Variants in RORA observed in about 807,000 individuals in gnomAD.
RORA encodes the protein nuclear receptor ROR-alpha.
Under a neutral mutation model 69.5 loss-of-function variants are expected in RORA, and 7 were observed. The ratio of observed to expected loss-of-function variants is 0.10; its 90% CI spans 0.06 to 0.19. The LOEUF (loss-of-function observed/expected upper bound fraction) is 0.19, where lower values mean the gene tolerates loss of function less well. RORA is among the 10% of genes least tolerant of loss of function. RORA has a pLI of 1.00. For missense variants in RORA, 457 were observed against 663.0 expected (o/e 0.69, Z 3.41); for synonymous variants, 261 against 240.8 (o/e 1.08, Z -0.78).
chr15:60,714,039 T>A (rs905493983), intron 1 of RORA, among the ~76,000 whole-genome samples: 1 of 151,808 alleles, frequency 6.6e-6, no homozygotes, highest in Non-Finnish European at 1.5e-5. Flanking sequence ...CCTTCTTCAT[T>A]ATCTCTCTCT....
chr15:60,755,980 G>C (rs758779749), intron 1 of RORA, among the ~76,000 whole-genome samples: 6 of 152,122 alleles, frequency 3.9e-5, no homozygotes, highest in Non-Finnish European at 7.3e-5. Flanking sequence ...CCTGGTACAG[G>C]GGATGTAGCA....
intron 1 of RORA, 83 bp downstream of exon 1, chr15:61,228,969 GC>G (rs1397702191): frequency 1.6e-6 from 1 of 634,870 alleles, no homozygotes; most frequent in Non-Finnish European, 2.0e-6. Flanking sequence ...CGGACCCCGC[GC>G]CCCGGGCGCC....
At chr15:61,002,829 C>T (rs931909735) in intron 1 of RORA, among the ~76,000 whole-genome samples, 1 of 152,070 alleles carries the variant, frequency 6.6e-6, no homozygotes, top group African/African-American at 2.4e-5. Context: ...CTGTAAGTCA[C>T]TTGAAAATAC....
chr15:61,022,384 A>G (rs1461970322), intron 1 of RORA, among the ~76,000 whole-genome samples: 1 of 152,202 alleles, frequency 6.6e-6, no homozygotes, highest in South Asian at 2.1e-4. Flanking sequence ...ATTGTGTCAC[A>G]TGCTAAGGTA....
chr15:60,557,674 T>A (rs980266356), intron 2 of RORA, among the ~76,000 whole-genome samples: 3 of 152,212 alleles, frequency 2.0e-5, no homozygotes, highest in Admixed American at 2.0e-4. Flanking sequence ...AAATAGAAGT[T>A]ACTTTCTGGA....
intron 1 of RORA, among the ~76,000 whole-genome samples, chr15:60,758,981 G>T (rs1344039471): frequency 1.3e-5 from 2 of 152,210 alleles, no homozygotes; most frequent in Non-Finnish European, 2.9e-5. Context: ...TAGCAAGTTA[G>T]CACCTGAGCT....
intron 1 of RORA, among the ~76,000 whole-genome samples, chr15:60,940,198 G>T (rs1269902448): frequency 6.6e-6 from 1 of 152,110 alleles, no homozygotes; most frequent in African/African-American, 2.4e-5. Flanking sequence ...TTAGATCACT[G>T]AAAGAAATTA....
intron 1 of RORA, among the ~76,000 whole-genome samples, chr15:60,917,665 T>C (rs1475203272): frequency 6.6e-6 from 1 of 152,252 alleles, no homozygotes; most frequent in East Asian, 1.9e-4. Context: ...CTGGTGTTTT[T>C]CCTGGTCAGT....
chr15:60,654,050 C>A (rs943571059), intron 2 of RORA, among the ~76,000 whole-genome samples: 1 of 152,094 alleles, frequency 6.6e-6, no homozygotes, highest in East Asian at 1.9e-4. Context: ...CCGTGAAGGC[C>A]GCCTCTTTAG....
chr15:61,101,612 A>T lies in RORA; in HGVS notation c.166+127441T>A, dbSNP rs552026839. Among the ~76,000 whole-genome samples, 17 of 152,192 alleles carry T rather than the reference A, an allele frequency of 1.1e-4. No individual in the cohort carries two copies. In the South Asian group the frequency reaches 3.3e-3, roughly 30 times the overall value. Reference sequence around the variant, plus strand: ...CTGAGTATCCTTCCTTTAAAATAAGAAAATAACGTCACACAAGGCCTTGTA... The same window carrying T: ...CTGAGTATCCTTCCTTTAAAATAAGTAAATAACGTCACACAAGGCCTTGTA... On this transcript the variant is annotated intron_variant, in intron 1 of 10. Transcript: ENST00000335670.
intron 2 of RORA, among the ~76,000 whole-genome samples, chr15:60,597,812 C>A (rs548587873): frequency 1.4e-4 from 21 of 150,578 alleles, no homozygotes; most frequent in African/African-American, 5.1e-4. Context: ...GAACTGACTG[C>A]AACGGGCCCC....
Position 61,131,403 on chromosome 15 carries a change from G to A in RORA, c.166+97650C>T, listed in dbSNP as rs184259385. ...TAGCAGATTTCAGCAGCATTTGCTG[G>A]AGCAAGGTGACTCCAGCATTTCTCT... On this transcript the variant is annotated intron_variant, in intron 1 of 10. Coordinates refer to ENST00000335670, the MANE Select transcript of RORA (RefSeq NM_134261.3). The surrounding 1 kb of genome is among the most constrained non-coding windows in gnomAD (Gnocchi z 4.2). 1.5e-3 allele frequency among the ~76,000 whole-genome samples: 223 copies of A among 152,238 alleles called. 1 individual carries two copies. Among genetic ancestry groups the A allele is most frequent in the Non-Finnish European group, 2.7e-3 (182 of 68,026 alleles).
At chr15:61,143,305 T>C (rs1030708325) in intron 1 of RORA, among the ~76,000 whole-genome samples, 2 of 152,126 alleles carry the variant, frequency 1.3e-5, no homozygotes, top group Non-Finnish European at 2.9e-5. Flanking sequence ...TACAGAGAGA[T>C]GTAAAAGCTG....
chr15:60,673,872 G>GC (rs2070511964), intron 2 of RORA, among the ~76,000 whole-genome samples: 1 of 152,200 alleles, frequency 6.6e-6, no homozygotes, highest in Admixed American at 6.5e-5. Context: ...TAAGAGGCCA[G>GC]CACCTGTATT....
chr15:61,169,181 A>G (rs1379770458), intron 1 of RORA, among the ~76,000 whole-genome samples: 1 of 151,940 alleles, frequency 6.6e-6, no homozygotes, highest in East Asian at 1.9e-4. Flanking sequence ...GACGCCAGGC[A>G]TCTGTGGAAC....
At chr15:60,933,553 G>A (rs1398480686) in intron 1 of RORA, among the ~76,000 whole-genome samples, 3 of 152,090 alleles carry the variant, frequency 2.0e-5, no homozygotes, top group South Asian at 2.1e-4. Context: ...GACATAGAAC[G>A]CATTATTCTG....
At chr15:60,835,007 T>C (rs12910376) in intron 1 of RORA, among the ~76,000 whole-genome samples, 62,553 of 152,038 alleles carry the variant, frequency 0.41, 14,777 homozygotes, top group Middle Eastern at 0.56. Context: ...CCTAGATATA[T>C]TTAGAGCTTT....
Position 60,489,585 on chromosome 15 carries a change from T to C in RORA, c.*7870A>G, listed in dbSNP as rs981032449. ...TAGAAAGGCTTAATTAAGCTACTTA[T>C]TAAATAACTTTGAAAATGAAGGTCC... On this transcript the variant is annotated 3_prime_UTR_variant, in exon 11 of 11. Coordinates refer to ENST00000335670, the MANE Select transcript of RORA (RefSeq NM_134261.3). 5.3e-5 allele frequency: 8 copies of C among 152,212 alleles called. No homozygotes were observed. Among genetic ancestry groups the C allele is most frequent in the African/African-American group, 1.9e-4 (8 of 41,450 alleles). The allele number at this position is 152,212 out of a possible 1,614,324, so 9.4% of individuals were successfully genotyped here.
Position 60,492,527 on chromosome 15 carries a change from C to A in RORA, c.*4928G>T, listed in dbSNP as rs1251183939. 1 of 152,124 alleles carries A rather than the reference C, an allele frequency of 6.6e-6. No homozygotes were observed. Among genetic ancestry groups the A allele is most frequent in the African/African-American group, 2.4e-5 (1 of 41,438 alleles). The allele number at this position is 152,124 out of a possible 1,614,324, so 9.4% of individuals were successfully genotyped here. A position where few individuals can be genotyped will look rare whatever the true frequency, so the allele number is the denominator to read the frequency against. ...CTGGTATTTTAAAAACATATTTCAT[C>A]TTTTACCTATATCACTGTACTGATA... On this transcript the variant is annotated 3_prime_UTR_variant, in exon 11 of 11. Coordinates refer to ENST00000335670, the MANE Select transcript of RORA (RefSeq NM_134261.3).
Sources: allele counts gnomAD v4.1 joint callset (sites outside exome capture counted in the v4.1 genomes callset), GRCh38; gene constraint gnomAD v4.1.1; non-coding constraint Gnocchi (gnomAD v3.1); transcripts MANE v1.5; gene names NCBI Gene and HGNC (gene_info 2026-07-23, HGNC 2026-07-21).